The following HIVEP3 variants were observed in gnomAD, a reference collection of about 807,000 sequenced individuals.
The protein encoded by HIVEP3 is transcription factor HIVEP3.
HIVEP3 carries 49 observed loss-of-function variants against 152.8 expected under a neutral mutation model. The observed-to-expected ratio is 0.32, with a 90% confidence interval of 0.26 to 0.41. HIVEP3 has a LOEUF of 0.41. HIVEP3 is among the 10% of genes least tolerant of loss of function. HIVEP3 has a pLI of 1.00. For missense variants in HIVEP3, 2,790 were observed against 3,103.3 expected (o/e 0.90, Z 2.40); for synonymous variants, 1,269 against 1,289.0 (o/e 0.98, Z 0.33).
intron 1 of HIVEP3, among the ~76,000 whole-genome samples, chr1:41,725,347 C>T (rs990517231): frequency 2.0e-5 from 3 of 152,192 alleles, no homozygotes; most frequent in Admixed American, 1.3e-4. Context: ...AATGATGGTT[C>T]CTTACAAGGA....
chr1:41,598,460 G>T (rs1010573435), intron 3 of HIVEP3, among the ~76,000 whole-genome samples: 1 of 152,226 alleles, frequency 6.6e-6, no homozygotes, highest in African/African-American at 2.4e-5. Flanking sequence ...ATGACTGGGA[G>T]ACTGGGTGAC....
chr1:41,816,272 G>A (rs1239614328), intron 1 of HIVEP3, among the ~76,000 whole-genome samples: 1 of 152,208 alleles, frequency 6.6e-6, no homozygotes, highest in East Asian at 1.9e-4. Context: ...CACAATCGGG[G>A]TGGGTACATG....
chr1:41,627,568 C>T (rs940101189), intron 3 of HIVEP3, among the ~76,000 whole-genome samples: 2 of 152,180 alleles, frequency 1.3e-5, no homozygotes, highest in African/African-American at 4.8e-5. Flanking sequence ...GCTCTAGCCA[C>T]CCCGAAGTCC....
intron 1 of HIVEP3, among the ~76,000 whole-genome samples, chr1:41,735,637 T>C (rs967142857): frequency 3.9e-5 from 6 of 152,230 alleles, no homozygotes; most frequent in Admixed American, 2.0e-4. Context: ...AGGCTGGAGA[T>C]ATGTCTCCAG....
chr1:42,022,293 C>T (rs1645559041), intron 1 of HIVEP3, among the ~76,000 whole-genome samples: 1 of 152,116 alleles, frequency 6.6e-6, no homozygotes, highest in South Asian at 2.1e-4. Flanking sequence ...TGAGATTGCC[C>T]TTTCCCCAAA....
chr1:41,705,254 T>C (rs1646415756), intron 1 of HIVEP3, among the ~76,000 whole-genome samples: 2 of 152,246 alleles, frequency 1.3e-5, no homozygotes, highest in South Asian at 4.1e-4. Context: ...TGTTTCTTTC[T>C]CTACGCTCTC....
chr1:41,777,877 GGTA>G (rs1396737493), intron 1 of HIVEP3, among the ~76,000 whole-genome samples: 1 of 152,250 alleles, frequency 6.6e-6, no homozygotes, highest in Admixed American at 6.5e-5. Flanking sequence ...CTTGGTAAAA[GGTA>G]TCATGTGGCC....
intron 3 of HIVEP3, among the ~76,000 whole-genome samples, chr1:41,609,609 C>A (rs1644869946): frequency 6.6e-6 from 1 of 152,252 alleles, no homozygotes; most frequent in South Asian, 2.1e-4. Context: ...CATAATGACA[C>A]CCCTTTTTAA....
intron 1 of HIVEP3, among the ~76,000 whole-genome samples, chr1:42,008,046 T>C (rs2124527857): frequency 6.6e-6 from 1 of 152,346 alleles, no homozygotes; most frequent in African/African-American, 2.4e-5. Flanking sequence ...CCAAATGTGA[T>C]TGATAAATTT....
At chr1:41,552,016 T>C (rs1643898848) in intron 5 of HIVEP3, among the ~76,000 whole-genome samples, 1 of 152,200 alleles carries the variant, frequency 6.6e-6, no homozygotes, top group Non-Finnish European at 1.5e-5. Context: ...CTTGTAGGCA[T>C]TTAGTGCTAT....
At chr1:41,786,614 TAGTTGTG>T (rs994666164) in intron 1 of HIVEP3, among the ~76,000 whole-genome samples, 3 of 152,224 alleles carry the variant, frequency 2.0e-5, no homozygotes, top group African/African-American at 7.2e-5. Context: ...CTGCATTAAG[TAGTTGTG>T]AGACTGTATA....
At chr1:41,927,669 C>T (rs536711391) in intron 1 of HIVEP3, among the ~76,000 whole-genome samples, 2 of 152,266 alleles carry the variant, frequency 1.3e-5, no homozygotes, top group Admixed American at 1.3e-4. Flanking sequence ...AGATGGACCA[C>T]CAGTTTGCAA....
intron 1 of HIVEP3, among the ~76,000 whole-genome samples, chr1:41,762,983 G>A (rs1433368208): frequency 6.6e-6 from 1 of 152,208 alleles, no homozygotes; most frequent in Non-Finnish European, 1.5e-5. Context: ...GGGCAGCTGA[G>A]CCTGCAGGCC....
chr1:41,545,515 CCAT>C (rs1474862103), intron 5 of HIVEP3, among the ~76,000 whole-genome samples: 1 of 138,914 alleles, frequency 7.2e-6, no homozygotes, highest in African/African-American at 2.7e-5. Context: ...ACCATCGCTA[CCAT>C]CACCACCACT....
intron 1 of HIVEP3, among the ~76,000 whole-genome samples, chr1:41,904,248 C>T (rs972666654): frequency 1.3e-5 from 2 of 152,118 alleles, no homozygotes; most frequent in Non-Finnish European, 2.9e-5. Context: ...TCAAACAATG[C>T]AGTCACACAG....
At chr1:41,723,462 C>A (rs971836628) in intron 1 of HIVEP3, among the ~76,000 whole-genome samples, 1 of 150,924 alleles carries the variant, frequency 6.6e-6, no homozygotes, top group Admixed American at 6.6e-5. Context: ...AGAAAATGCA[C>A]CCATACCATA....
At chr1:41,733,314 A>C (rs1008268907) in intron 1 of HIVEP3, among the ~76,000 whole-genome samples, 3 of 152,174 alleles carry the variant, frequency 2.0e-5, no homozygotes, top group African/African-American at 7.2e-5. Context: ...CTGACAGCCA[A>C]TGTCCAACTC....
At chr1:41,782,714 A>ACTG (rs1649119556) in intron 1 of HIVEP3, among the ~76,000 whole-genome samples, 1 of 146,092 alleles carries the variant, frequency 6.8e-6, no homozygotes, top group Non-Finnish European at 1.5e-5. Context: ...CCTGGGCAAC[A>ACTG]GAGCAAGACT....
At chr1:41,554,906 G>A (rs373090438) in intron 5 of HIVEP3, among the ~76,000 whole-genome samples, 39 of 152,204 alleles carry the variant, frequency 2.6e-4, no homozygotes, top group Middle Eastern at 3.4e-3. Flanking sequence ...GGTGATAGTC[G>A]GCCCCTACTG....
Sources: allele counts gnomAD v4.1 joint callset (sites outside exome capture counted in the v4.1 genomes callset), GRCh38; gene constraint gnomAD v4.1.1; transcripts MANE v1.5; gene names NCBI Gene and HGNC (gene_info 2026-07-23, HGNC 2026-07-21).